Variants in SLC22A23 observed in about 807,000 individuals in gnomAD.
SLC22A23 encodes solute carrier family 22 member 23.
SLC22A23 carries 26 observed loss-of-function variants against 61.0 expected under a neutral mutation model. The observed-to-expected ratio is 0.43, with a 90% CI of 0.31 to 0.59. The LOEUF (loss-of-function observed/expected upper bound fraction) is 0.59. Ranked by LOEUF, SLC22A23 falls within the 20% of genes least tolerant of loss-of-function variation. The pLI, the probability that SLC22A23 is intolerant of heterozygous loss-of-function variation, is 0.11. For synonymous variants in SLC22A23, 430 were observed against 413.9 expected (o/e 1.04, Z -0.47); for missense variants, 796 against 934.7 (o/e 0.85, Z 1.94).
chr6:3,368,160 A>G (rs1228177971), intron 3 of SLC22A23, among the ~76,000 whole-genome samples: 3 of 152,202 alleles, frequency 2.0e-5, no homozygotes, highest in African/African-American at 7.2e-5. Context: ...CCTTGGTCCT[A>G]CATGACAAAG....
intron 6 of SLC22A23, among the ~76,000 whole-genome samples, chr6:3,288,675 G>GT (rs1760283108): frequency 6.6e-6 from 1 of 152,344 alleles, no homozygotes; most frequent in South Asian, 2.1e-4. Context: ...CAAATTTCAT[G>GT]TTTTTTTCCA....
chr6:3,287,258 A>G (rs1350545908), intron 6 of SLC22A23, among the ~76,000 whole-genome samples, 167 bp from the exon 7 acceptor site: 2 of 152,250 alleles, frequency 1.3e-5, no homozygotes, highest in East Asian at 1.9e-4. Flanking sequence ...GAGCCAATGC[A>G]AAAGAGGAGA....
intron 4 of SLC22A23, among the ~76,000 whole-genome samples, chr6:3,307,447 A>G (rs541285098): frequency 6.6e-6 from 1 of 150,694 alleles, no homozygotes; most frequent in South Asian, 2.1e-4. Context: ...TCTGGCCATA[A>G]TACCTGAACT....
intron 5 of SLC22A23, chr6:3,290,354 G>A: frequency 9.6e-6 from 2 of 208,558 alleles, no homozygotes; most frequent in Non-Finnish European, 2.0e-5. Context: ...TTAGCCTTGT[G>A]GGGTGGAACT....
In SLC22A23 at chr6:3,323,729, T is replaced by C. The variant is rs1169414575; in HGVS notation, c.1082+105A>G. The C allele has an allele frequency of 3.8e-6, 5 of 1,299,480 alleles. No homozygotes were observed. In the South Asian group the frequency reaches 6.2e-5, roughly 16 times the overall value. 80.5% of individuals were successfully genotyped at this position (1,299,480 alleles called of 1,614,324 possible). ...AACCTTCTCAGACAGAACCACAAGC[T>C]GCAACTAGTGGGAAGTGTGGGGATT... On this transcript the variant is annotated intron_variant, in intron 4 of 9. Transcript: ENST00000406686.
chr6:3,370,539 C>T (rs1402496677), intron 3 of SLC22A23, among the ~76,000 whole-genome samples: 2 of 152,250 alleles, frequency 1.3e-5, no homozygotes, highest in East Asian at 1.9e-4. Context: ...AGGTGGCCTG[C>T]GGGGCAGCTC....
intron 1 of SLC22A23, among the ~76,000 whole-genome samples, chr6:3,452,113 A>C (rs1437061058): frequency 3.9e-5 from 6 of 152,234 alleles, no homozygotes; most frequent in African/African-American, 1.4e-4. Flanking sequence ...GGCTGGGCTA[A>C]GCCAGCATAT....
Position 3,380,292 on chromosome 6 carries a change from C to T in SLC22A23, c.913+29896G>A, listed in dbSNP as rs564813885. ...ATGATAGCCTTGACTATAACCCCTC[C>T]ACTAACCTATCTTGACATAGTTAAG... is the stretch of plus-strand genomic sequence containing the variant. On this transcript the variant is annotated intron_variant, in intron 3 of 9. Coordinates refer to ENST00000406686, the MANE Select transcript of SLC22A23 (RefSeq NM_015482.2). 3.3e-5 allele frequency among the ~76,000 whole-genome samples: 5 copies of T among 152,286 alleles called. No individual in the cohort carries two copies. The East Asian group carries it at 9.6e-4, about 29-fold the overall frequency.
intron 9 of SLC22A23, chr6:3,283,492 G>T (rs7740348): frequency 6.4e-6 from 2 of 313,500 alleles, no homozygotes; most frequent in Admixed American, 4.2e-5. Flanking sequence ...TAGCTGTGCC[G>T]TGAGGTCTCT....
intron 1 of SLC22A23, among the ~76,000 whole-genome samples, chr6:3,439,914 G>A (rs1771477852): frequency 6.6e-6 from 1 of 152,156 alleles, no homozygotes; most frequent in Admixed American, 6.5e-5. Context: ...ACAAATCGGT[G>A]GGTGGAGCTC....
intron 9 of SLC22A23, among the ~76,000 whole-genome samples, chr6:3,275,946 G>A (rs1031622289): frequency 1.3e-5 from 2 of 152,274 alleles, no homozygotes; most frequent in African/African-American, 4.8e-5. Context: ...AGTGGCTCAT[G>A]CCCAAAGAGG....
rs1187944489 is a variant in SLC22A23 at position 3,427,552 on chromosome 6, A to G, written c.655-11697T>C. Among the ~76,000 whole-genome samples the G allele has an allele frequency of 6.6e-6, 1 of 152,052 alleles. No homozygotes were observed. Among genetic ancestry groups the G allele is most frequent in the Non-Finnish European group, 1.5e-5 (1 of 68,022 alleles). On this transcript the variant is annotated intron_variant, in intron 1 of 9. Transcript: ENST00000406686. This position sits in a 1 kb window ranked among gnomAD's most constrained non-coding sequence, Gnocchi z 4.3. Reference sequence around the variant, plus strand: ...CTGTGTTCATAGCTGGGAGATGCTGAAGGAGGAGCAGGTCCAGGTCTACCC... The same window carrying G: ...CTGTGTTCATAGCTGGGAGATGCTGGAGGAGGAGCAGGTCCAGGTCTACCC...
chr6:3,377,830 T>C (rs1766677919), intron 3 of SLC22A23: 2 of 152,268 alleles, frequency 1.3e-5, no homozygotes, highest in Admixed American at 1.3e-4. Flanking sequence ...TTACACCTCA[T>C]ACAGGCAGTC....
Position 3,309,328 on chromosome 6 carries a change from C to G in SLC22A23, c.1083-11110G>C, listed in dbSNP as rs1423439623. On this transcript the variant is annotated intron_variant, in intron 4 of 9. Coordinates refer to ENST00000406686, the MANE Select transcript of SLC22A23 (RefSeq NM_015482.2). The surrounding 1 kb of genome is among the most constrained non-coding windows in gnomAD (Gnocchi z 4.7). Reference sequence around the variant, plus strand: ...AAATCAAAATAAACATGAAAAGAGCCAAGAATTCGAAATTAAGTAAAAGGG... The same window carrying G: ...AAATCAAAATAAACATGAAAAGAGCGAAGAATTCGAAATTAAGTAAAAGGG... 6.6e-6 allele frequency among the ~76,000 whole-genome samples: 1 copy of G among 152,052 alleles called. No homozygotes were observed. Among genetic ancestry groups the G allele is most frequent in the Non-Finnish European group, 1.5e-5 (1 of 68,018 alleles).
intron 6 of SLC22A23, 82 bp from the exon 7 acceptor site, chr6:3,287,173 G>A: frequency 7.6e-7 from 1 of 1,321,868 alleles, no homozygotes; most frequent in Non-Finnish European, 1.1e-6. Context: ...CGTGCTGTCA[G>A]GTGACCAGGA....
In SLC22A23 at chr6:3,324,053, G is replaced by A. The variant is rs757296162; in HGVS notation, c.914-51C>T. ...AGATGAGTGCCCTGCTCGACAGCCC[G>A]AGAAGTCCTGGGTGCACCTGGGCCA... On this transcript the variant is annotated intron_variant, in intron 3 of 9. Coordinates refer to ENST00000406686, the MANE Select transcript of SLC22A23 (RefSeq NM_015482.2). This position sits in a 1 kb window ranked among gnomAD's most constrained non-coding sequence, Gnocchi z 4.3. 2.3e-5 allele frequency: 36 copies of A among 1,593,734 alleles called. No individual in the cohort carries two copies. In the Middle Eastern group the frequency reaches 6.7e-4, roughly 29 times the overall value.
intron 1 of SLC22A23, among the ~76,000 whole-genome samples, chr6:3,440,697 A>G (rs1334938881): frequency 8.0e-6 from 1 of 124,868 alleles, no homozygotes; most frequent in Non-Finnish European, 1.7e-5. Flanking sequence ...ACAGAGCAAG[A>G]CTCCGTCTCA....
At chr6:3,449,751 ACT>A (rs1351705100) in intron 1 of SLC22A23, among the ~76,000 whole-genome samples, 2 of 152,348 alleles carry the variant, frequency 1.3e-5, no homozygotes, top group African/African-American at 4.8e-5. Flanking sequence ...TACAGAAAAC[ACT>A]CTGACAGTAT....
At chr6:3,391,231 C>T (rs943354589) in intron 3 of SLC22A23, among the ~76,000 whole-genome samples, 4 of 152,228 alleles carry the variant, frequency 2.6e-5, no homozygotes, top group African/African-American at 4.8e-5. Flanking sequence ...CTCATGGAGA[C>T]TTTATTCTTG....
Sources: gnomAD v4.1 joint callset for allele counts (sites outside exome capture counted in the v4.1 genomes callset) on GRCh38, gnomAD v4.1.1 for gene constraint, Gnocchi (gnomAD v3.1) non-coding constraint, MANE v1.5 for transcripts, NCBI Gene and HGNC (gene_info 2026-07-23, HGNC 2026-07-21) for gene names.